The following NRG3 variants were observed in gnomAD, a reference collection of about 807,000 sequenced individuals.
The protein encoded by NRG3 is pro-neuregulin-3, membrane-bound isoform.
Under a neutral mutation model 66.9 loss-of-function variants are expected in NRG3, and 31 were observed. The observed-to-expected ratio is 0.46, with a 90% CI of 0.35 to 0.63. The LOEUF is 0.63. NRG3 is among the 20% of genes least tolerant of loss of function. The pLI is 0.00. For synonymous variants in NRG3, 393 were observed against 359.4 expected (o/e 1.09, Z -1.06); for missense variants, 910 against 878.9 (o/e 1.04, Z -0.45).
At chr10:82,145,942 C>T (rs1162712745) in intron 1 of NRG3, among the ~76,000 whole-genome samples, 1 of 152,026 alleles carries the variant, frequency 6.6e-6, no homozygotes, top group Non-Finnish European at 1.5e-5. Context: ...GTCAGTGAAC[C>T]ATACAGAACT....
chr10:81,912,821 A>C (rs1486266263), intron 1 of NRG3, among the ~76,000 whole-genome samples: 1 of 152,224 alleles, frequency 6.6e-6, no homozygotes, highest in Non-Finnish European at 1.5e-5. Context: ...GCACACAGGA[A>C]ACTGGAGAGA....
At chr10:82,360,247 T>C (rs2084043434) in intron 2 of NRG3, among the ~76,000 whole-genome samples, 1 of 152,210 alleles carries the variant, frequency 6.6e-6, no homozygotes, top group Admixed American at 6.5e-5. Context: ...CATGTATGGA[T>C]ACAAAGCACA....
chr10:82,747,673 C>T (rs1005265997), intron 3 of NRG3, among the ~76,000 whole-genome samples: 3 of 151,894 alleles, frequency 2.0e-5, no homozygotes, highest in African/African-American at 7.2e-5. Flanking sequence ...CTTTGAAATA[C>T]TATAATATTT....
intron 2 of NRG3, among the ~76,000 whole-genome samples, chr10:82,394,769 A>G (rs552778184): frequency 1.8e-4 from 28 of 152,206 alleles, no homozygotes; most frequent in African/African-American, 6.7e-4. Context: ...GGTTATTTTG[A>G]CTCTCCACAG....
intron 2 of NRG3, among the ~76,000 whole-genome samples, chr10:82,412,979 C>T (rs2088224291): frequency 6.6e-6 from 1 of 152,170 alleles, no homozygotes; most frequent in South Asian, 2.1e-4. Context: ...ACTACATCTG[C>T]AGTTACTTCC....
intron 4 of NRG3, among the ~76,000 whole-genome samples, chr10:82,947,270 G>A (rs1335535929): frequency 6.6e-6 from 1 of 151,996 alleles, no homozygotes; most frequent in Admixed American, 6.6e-5. Context: ...CTTCCATATT[G>A]TAGTTTCTAT....
chr10:82,811,223 T>C lies in NRG3; in HGVS notation c.1028-54188T>C, dbSNP rs150421654. 3.6e-3 allele frequency among the ~76,000 whole-genome samples: 555 copies of C among 152,360 alleles called. 6 individuals are homozygous for C. Among genetic ancestry groups the C allele is most frequent in the African/African-American group, 0.013 (532 of 41,584 alleles). On this transcript the variant is annotated intron_variant, in intron 3 of 8. Coordinates refer to ENST00000372141, the MANE Select transcript of NRG3 (RefSeq NM_001010848.4). ...CTTATAACCATCTTCACATGATTTG[T>C]TTTGTAATGTTTATATTTTCACTAG...
chr10:82,085,916 G>T (rs1329638182), intron 1 of NRG3, among the ~76,000 whole-genome samples: 1 of 152,054 alleles, frequency 6.6e-6, no homozygotes, highest in East Asian at 1.9e-4. Flanking sequence ...GGGCTTACAG[G>T]CATGAGCCAC....
At chr10:82,192,102 C>T (rs560555343) in intron 1 of NRG3, among the ~76,000 whole-genome samples, 2 of 152,240 alleles carry the variant, frequency 1.3e-5, no homozygotes, top group Admixed American at 6.5e-5. Flanking sequence ...GGAAATGTCT[C>T]TGATCAATAT....
intron 1 of NRG3, among the ~76,000 whole-genome samples, chr10:82,297,533 A>C (rs1027510255): frequency 3.9e-5 from 6 of 152,110 alleles, no homozygotes; most frequent in Admixed American, 2.6e-4. Context: ...GTAGGGAAGA[A>C]AATTCAGAAA....
chr10:81,875,562 C>A lies in NRG3; in HGVS notation c.222C>A (p.Ile74=), dbSNP rs1384502270. The stretch of plus-strand genomic sequence containing the variant: ...GGCTGTGCGTGGTACCTCTGTTCAT[C>A]GGCTTCATCGGCCTGGGGCTCAGCC... ...QTWLCVVPLF[I]GFIGLGLSLM... The change falls in exon 1 of 9, where the codon ATC becomes ATA. Residue 74 remains isoleucine (I), a synonymous_variant. Transcript: ENST00000372141. This position sits in a 1 kb window ranked among gnomAD's most constrained non-coding sequence, Gnocchi z 5.3. 3 of 1,613,216 alleles carry A rather than the reference C, an allele frequency of 1.9e-6. No homozygotes were observed. Among genetic ancestry groups the A allele is most frequent in the East Asian group, 2.2e-5 (1 of 44,848 alleles).
intron 1 of NRG3, among the ~76,000 whole-genome samples, chr10:82,132,770 A>G (rs2069024708): frequency 6.6e-6 from 1 of 151,086 alleles, no homozygotes; most frequent in South Asian, 2.1e-4. Flanking sequence ...TCGTCTATTC[A>G]GGTTTTGGAT....
At chr10:82,159,118 C>T (rs547045380) in intron 1 of NRG3, among the ~76,000 whole-genome samples, 1 of 151,962 alleles carries the variant, frequency 6.6e-6, no homozygotes, top group African/African-American at 2.4e-5. Context: ...TTAATCTAAA[C>T]TTCCATGAAG....
intron 1 of NRG3, among the ~76,000 whole-genome samples, chr10:81,917,985 G>A (rs1484995248): frequency 6.6e-6 from 1 of 152,166 alleles, no homozygotes; most frequent in Non-Finnish European, 1.5e-5. Context: ...TTGTGCATGA[G>A]GGAGTAACTT....
intron 1 of NRG3, among the ~76,000 whole-genome samples, chr10:82,231,147 A>G (rs893995746): frequency 6.6e-6 from 1 of 152,154 alleles, no homozygotes; most frequent in African/African-American, 2.4e-5. Context: ...GTTCGAGACC[A>G]GCCTGGCCAA....
At chr10:81,933,437 T>A (rs921063404) in intron 1 of NRG3, among the ~76,000 whole-genome samples, 1 of 152,176 alleles carries the variant, frequency 6.6e-6, no homozygotes. Flanking sequence ...TATTATTATT[T>A]TATTATTATA....
At chr10:82,502,983 T>A (rs1844343109) in intron 2 of NRG3, among the ~76,000 whole-genome samples, 1 of 152,172 alleles carries the variant, frequency 6.6e-6, no homozygotes, top group Admixed American at 6.5e-5. Flanking sequence ...GTCTGATATG[T>A]TGTGAAGAGT....
At position 82,478,690 on chromosome 10, in the gene NRG3, GA is replaced by G. The variant is rs1354254123; in HGVS notation, c.953+119826del. Among the ~76,000 whole-genome samples, 8 of 22,102 alleles carry G rather than the reference GA, an allele frequency of 3.6e-4. 3 individuals are homozygous for G. In the Admixed American group the frequency reaches 3.7e-3, roughly 10 times the overall value. The allele number at this position is 22,102 out of a possible 152,430, so 14.5% of individuals were successfully genotyped here. Reference sequence around the variant, plus strand: ...ACACGGCAACCATCGGAAAGGTGGGGAAAAGATTGAGAAATCCGATGGCTTG... The same window carrying G: ...ACACGGCAACCATCGGAAAGGTGGGGAAAGATTGAGAAATCCGATGGCTTG... On this transcript the variant is annotated intron_variant, in intron 2 of 8. Transcript: ENST00000372141.
At chr10:82,925,205 C>A (rs371915122) in intron 4 of NRG3, among the ~76,000 whole-genome samples, 2 of 152,114 alleles carry the variant, frequency 1.3e-5, no homozygotes, top group African/African-American at 4.8e-5. Context: ...CTACCACATC[C>A]CCTCTCCAAC....
Sources: allele counts gnomAD v4.1 joint callset (sites outside exome capture counted in the v4.1 genomes callset), GRCh38; gene constraint gnomAD v4.1.1; non-coding constraint Gnocchi (gnomAD v3.1); transcripts MANE v1.5; gene names NCBI Gene and HGNC (gene_info 2026-07-23, HGNC 2026-07-21).